FBXW11: variants seen among roughly 807,000 people sequenced by gnomAD.
FBXW11 encodes the protein F-box/WD repeat-containing protein 11.
Under a neutral mutation model 77.6 loss-of-function variants are expected in FBXW11, and 19 were observed. The ratio of observed to expected loss-of-function variants is 0.24; its 90% CI spans 0.17 to 0.36. The LOEUF (loss-of-function observed/expected upper bound fraction) is 0.36. FBXW11 is among the 10% of genes least tolerant of loss of function. FBXW11 has a pLI of 1.00. For missense variants in FBXW11, 334 were observed against 704.2 expected (o/e 0.47, Z 5.95); for synonymous variants, 235 against 249.4 (o/e 0.94, Z 0.54).
At chr5:171,912,384 T>G (rs920520159) in intron 3 of FBXW11, among the ~76,000 whole-genome samples, 2 of 152,042 alleles carry the variant, frequency 1.3e-5, no homozygotes, top group Non-Finnish European at 2.9e-5. Flanking sequence ...GACATTTGAG[T>G]CTTAACAGAT....
At chr5:171,923,909 CTTTTTTTTTTTTTTTTTTTTTT>C (rs70982354) in intron 2 of FBXW11, among the ~76,000 whole-genome samples, 3 of 49,132 alleles carry the variant, frequency 6.1e-5, no homozygotes, top group African/African-American at 2.7e-4. Flanking sequence ...GAAACCCCAC[CTTTTTTTTTTTTTTTTTTTTTT>C]TTTTTTTTTT....
chr5:171,915,386 T>C (rs935157335), intron 2 of FBXW11, among the ~76,000 whole-genome samples: 1 of 152,252 alleles, frequency 6.6e-6, no homozygotes, highest in Non-Finnish European at 1.5e-5. Flanking sequence ...TTCCCTATTT[T>C]TCCTTTATGT....
intron 1 of FBXW11, among the ~76,000 whole-genome samples, chr5:171,967,901 C>T (rs1311052208): frequency 7.3e-5 from 11 of 149,810 alleles, no homozygotes; most frequent in African/African-American, 2.7e-4. Flanking sequence ...CACACACACA[C>T]ACACACACAC....
intron 7 of FBXW11, among the ~76,000 whole-genome samples, chr5:171,884,581 G>A (rs1758750850): frequency 6.6e-6 from 1 of 152,166 alleles, no homozygotes; most frequent in Non-Finnish European, 1.5e-5. Context: ...TGTGAAGAAT[G>A]AGAAAGGAAT....
intron 2 of FBXW11, among the ~76,000 whole-genome samples, chr5:171,940,365 T>C (rs1014144711): frequency 1.3e-5 from 2 of 152,168 alleles, no homozygotes; most frequent in Non-Finnish European, 1.5e-5. Context: ...CAAAAAATTA[T>C]ACATACATTT....
intron 1 of FBXW11, among the ~76,000 whole-genome samples, chr5:171,979,085 AAGTT>A (rs1463335399): frequency 6.6e-6 from 1 of 152,180 alleles, no homozygotes; most frequent in African/African-American, 2.4e-5. Flanking sequence ...CTCTTAAAAA[AAGTT>A]AGAGACCATC....
Position 171,868,698 on chromosome 5 carries a change from C to CTAA in FBXW11, c.1628_1629insTTA (p.Val543_Pro544insTer). 6.2e-7 allele frequency: 1 copy of CTAA among 1,613,898 alleles called. No individual in the cohort carries two copies. The highest frequency in any genetic ancestry group is 8.5e-7 in the Non-Finnish European group (1 of 1,179,894). ...GGGTCTCATTCTGGGCACTGGGAGG[C>CTAA]ACATTTAAGAAATCCCAAATCAAAA... On this transcript the variant is annotated stop_gained and inframe_insertion, in exon 13 of 14. Transcript: ENST00000517395. LOFTEE classifies it high-confidence loss of function.
At chr5:171,936,422 G>A (rs1196985180) in intron 2 of FBXW11, among the ~76,000 whole-genome samples, 1 of 150,932 alleles carries the variant, frequency 6.6e-6, no homozygotes, top group Non-Finnish European at 1.5e-5. Flanking sequence ...CTTGAGCCCA[G>A]GAGTTTGAGG....
intron 7 of FBXW11, among the ~76,000 whole-genome samples, chr5:171,891,016 TCAAA>T (rs1477507749): frequency 2.0e-5 from 3 of 152,178 alleles, no homozygotes; most frequent in Admixed American, 6.5e-5. Flanking sequence ...AGATCAGCCA[TCAAA>T]CAGATTAAAC....
rs756852927 is a variant in FBXW11, at chr5:171,868,724, T to C, written c.1603A>G (p.Ile535Val). ...ACATTTAAGAAATCCCAAATCAAAA[T>C]AGTGTCATCATGGGAGCTGCTGATG... is the stretch of plus-strand genomic sequence containing the variant. ...QIISSSHDDTILIWDFLNVPP... is the reference protein window; with the variant it reads ...QIISSSHDDTVLIWDFLNVPP... Residue 535 changes from isoleucine to valine, a missense_variant, in exon 13 of 14, where the codon ATT (isoleucine) becomes GTT (valine). Around this residue, in one of 10 missense-constraint regions of FBXW11, gnomAD observed 4 missense variants for 40.8 expected, o/e 0.10. Coordinates refer to ENST00000517395, the MANE Select transcript of FBXW11 (RefSeq NM_001378974.1). 55 of 1,613,988 alleles carry C rather than the reference T, an allele frequency of 3.4e-5. No homozygotes were observed. Among genetic ancestry groups the C allele is most frequent in the Non-Finnish European group, 4.6e-5 (54 of 1,179,918 alleles).
intron 2 of FBXW11, among the ~76,000 whole-genome samples, chr5:171,957,091 T>C (rs1474970392): frequency 6.6e-6 from 1 of 152,212 alleles, no homozygotes; most frequent in Non-Finnish European, 1.5e-5. Flanking sequence ...TGACAAATTA[T>C]TGGCAGCATA....
chr5:171,926,188 A>C (rs1761879166), intron 2 of FBXW11, among the ~76,000 whole-genome samples: 1 of 152,238 alleles, frequency 6.6e-6, no homozygotes, highest in African/African-American at 2.4e-5. Context: ...ATTCACACCA[A>C]GACCCCAGAT....
Position 171,953,972 on chromosome 5 carries a change from A to C in FBXW11, c.147+3625T>G, listed in dbSNP as rs182502029. On this transcript the variant is annotated intron_variant, in intron 2 of 13. Transcript: ENST00000517395. The stretch of plus-strand genomic sequence containing the variant: ...CAAGAAGTTGTGCTACTTACTGCCC[A>C]GCACTATATGCACTAGAGCTTGGAA... Among the ~76,000 whole-genome samples, 720 of 152,340 alleles carry C rather than the reference A, an allele frequency of 4.7e-3. 6 individuals carry two copies. The highest frequency in any genetic ancestry group is 0.017 in the African/African-American group (692 of 41,570).
chr5:171,990,691 T>A (rs1765688355), intron 1 of FBXW11, among the ~76,000 whole-genome samples: 1 of 152,132 alleles, frequency 6.6e-6, no homozygotes, highest in Admixed American at 6.6e-5. Context: ...GGAACTGATA[T>A]GAAAGATAAC....
chr5:171,873,039 T>C (rs763993568), intron 9 of FBXW11, 49 bp from the exon 10 acceptor site: 13 of 1,418,624 alleles, frequency 9.2e-6, no homozygotes, highest in Non-Finnish European at 1.2e-5. Context: ...AGGAAAGTCC[T>C]CTCACAATAT....
chr5:172,004,760 A>G (rs1766626671), intron 1 of FBXW11, among the ~76,000 whole-genome samples: 1 of 152,126 alleles, frequency 6.6e-6, no homozygotes, highest in African/African-American at 2.4e-5. Flanking sequence ...AAAATAACCC[A>G]CTACAAAAGT....
intron 2 of FBXW11, among the ~76,000 whole-genome samples, chr5:171,930,512 T>C (rs958051287): frequency 5.9e-5 from 9 of 152,150 alleles, no homozygotes; most frequent in African/African-American, 1.9e-4. Flanking sequence ...TGATTGTCTA[T>C]GTAGAAAAAC....
At chr5:171,943,693 C>A (rs954449711) in intron 2 of FBXW11, among the ~76,000 whole-genome samples, 6 of 152,212 alleles carry the variant, frequency 3.9e-5, no homozygotes, top group Non-Finnish European at 7.3e-5. Context: ...TCATGATCCG[C>A]CCGCCTCGGC....
chr5:171,882,886 C>G (rs1053513352), intron 7 of FBXW11, among the ~76,000 whole-genome samples: 1 of 152,032 alleles, frequency 6.6e-6, no homozygotes, highest in African/African-American at 2.4e-5. Flanking sequence ...GCACTCATCA[C>G]CCAAGCAGTA....
Sources: allele counts gnomAD v4.1 joint callset (sites outside exome capture counted in the v4.1 genomes callset), GRCh38; gene constraint gnomAD v4.1.1; regional missense constraint gnomAD v4.1.1; transcripts MANE v1.5; gene names NCBI Gene and HGNC (gene_info 2026-07-23, HGNC 2026-07-21).